The following GABBR2 variants were observed in gnomAD, a reference collection of about 807,000 sequenced individuals.
GABBR2 encodes gamma-aminobutyric acid type B receptor subunit 2.
GABBR2 carries 23 observed loss-of-function variants against 105.6 expected under a neutral mutation model. The ratio of observed to expected loss-of-function variants is 0.22; its 90% CI spans 0.16 to 0.31. The LOEUF is 0.31. Among genes scored for constraint, GABBR2 ranks in the 10% least tolerant of loss-of-function variants. GABBR2 has a pLI of 1.00. For missense variants in GABBR2, 734 were observed against 1,245.5 expected, an observed-to-expected ratio of 0.59 and a Z score of 6.18; for synonymous variants, 478 against 499.7, an observed-to-expected ratio of 0.96 and a Z score of 0.58.
intron 1 of GABBR2, among the ~76,000 whole-genome samples, chr9:98,669,385 T>C (rs911475829): frequency 2.0e-5 from 3 of 152,244 alleles, no homozygotes; most frequent in Admixed American, 2.0e-4. Context: ...GTAAGTCCTT[T>C]GGTCATTTTA....
intron 3 of GABBR2, among the ~76,000 whole-genome samples, chr9:98,521,143 C>T (rs1038416513): frequency 2.0e-5 from 3 of 152,092 alleles, no homozygotes; most frequent in East Asian, 1.9e-4. Flanking sequence ...CTGAAAGTGA[C>T]AGAAAGGACC....
At chr9:98,607,659 C>T (rs1341611531) in intron 1 of GABBR2, 1 of 738,724 alleles carries the variant, frequency 1.4e-6, no homozygotes, top group South Asian at 1.5e-5. Flanking sequence ...ATGGTGAACA[C>T]TGTGATTTTA....
chr9:98,443,684 A>G (rs921055001), intron 7 of GABBR2, among the ~76,000 whole-genome samples: 13 of 152,236 alleles, frequency 8.5e-5, no homozygotes, highest in African/African-American at 1.2e-4. Flanking sequence ...AATATATTTC[A>G]TGGACTAAGT....
chr9:98,316,557 G>A (rs1830722182), intron 13 of GABBR2, among the ~76,000 whole-genome samples: 1 of 152,174 alleles, frequency 6.6e-6, no homozygotes, highest in South Asian at 2.1e-4. Context: ...ACTACCATTT[G>A]CCAGATACTG....
At position 98,518,257 on chromosome 9, in the gene GABBR2, A is replaced by G. The variant is rs1449882451; in HGVS notation, c.631-21743T>C. Reference sequence around the variant, plus strand: ...CCATTGCCTCTGCCTAAAGTACTTCATCTAAATCGGACTTCAGCTCTGAAG... The same window carrying G: ...CCATTGCCTCTGCCTAAAGTACTTCGTCTAAATCGGACTTCAGCTCTGAAG... On this transcript the variant is annotated intron_variant, in intron 3 of 18. Transcript: ENST00000259455. Among the ~76,000 whole-genome samples, 3 of 152,148 alleles carry G rather than the reference A, an allele frequency of 2.0e-5. No homozygotes were observed. The East Asian group carries it at 5.8e-4, about 29-fold the overall frequency.
chr9:98,662,992 G>A (rs77111863), intron 1 of GABBR2, among the ~76,000 whole-genome samples: 1 of 152,258 alleles, frequency 6.6e-6, no homozygotes, highest in Non-Finnish European at 1.5e-5. Context: ...GGCTCATGAG[G>A]GAATGGAGCA....
At chr9:98,320,984 AAAAT>A (rs935158804) in intron 13 of GABBR2, among the ~76,000 whole-genome samples, 1 of 152,250 alleles carries the variant, frequency 6.6e-6, no homozygotes, top group Middle Eastern at 3.4e-3. Context: ...ATAATAATAC[AAAAT>A]AAATAAATAA....
chr9:98,549,484 G>A (rs189331479), intron 2 of GABBR2, among the ~76,000 whole-genome samples: 257 of 152,358 alleles, frequency 1.7e-3, no homozygotes, highest in African/African-American at 5.8e-3. Flanking sequence ...GGCAGGGCCT[G>A]GCACCCTCTT....
chr9:98,657,528 C>T (rs1056686471), intron 1 of GABBR2, among the ~76,000 whole-genome samples: 22 of 152,034 alleles, frequency 1.4e-4, no homozygotes, highest in African/African-American at 3.9e-4. Flanking sequence ...CCTGTTTTAG[C>T]GGAAGGGAAT....
At chr9:98,521,353 C>T (rs870082) in intron 3 of GABBR2, among the ~76,000 whole-genome samples, 4,374 of 152,230 alleles carry the variant, frequency 0.029, 116 homozygotes, top group African/African-American at 0.062. Context: ...AGACTGACCT[C>T]ACAGCCTCTG....
intron 3 of GABBR2, among the ~76,000 whole-genome samples, chr9:98,508,485 G>A (rs796813495): frequency 2.2e-4 from 33 of 152,370 alleles, no homozygotes; most frequent in African/African-American, 6.7e-4. Flanking sequence ...CCAGGGAAGC[G>A]CAAGGAGTCA....
chr9:98,500,271 C>G (rs1827372552), intron 3 of GABBR2, among the ~76,000 whole-genome samples: 1 of 152,220 alleles, frequency 6.6e-6, no homozygotes, highest in Non-Finnish European at 1.5e-5. Context: ...GCAGGGGGTG[C>G]CCCTGGGGGC....
intron 6 of GABBR2, among the ~76,000 whole-genome samples, chr9:98,464,653 C>T (rs1002407451): frequency 4.6e-5 from 7 of 151,752 alleles, no homozygotes; most frequent in Non-Finnish European, 7.4e-5. Context: ...GCCATGATGA[C>T]GATGGCAGTT....
At chr9:98,345,997 A>G (rs1183737319) in intron 13 of GABBR2, among the ~76,000 whole-genome samples, 2 of 152,210 alleles carry the variant, frequency 1.3e-5, no homozygotes, top group Non-Finnish European at 2.9e-5. Context: ...AAAATACCTT[A>G]TTGTTAAAAA....
chr9:98,527,500 G>A (rs1293388043), intron 3 of GABBR2, among the ~76,000 whole-genome samples: 1 of 152,062 alleles, frequency 6.6e-6, no homozygotes, highest in Non-Finnish European at 1.5e-5. Context: ...GAAATAATAG[G>A]AGTTCAATGT....
intron 17 of GABBR2, among the ~76,000 whole-genome samples, chr9:98,294,534 A>C (rs1381625846): frequency 1.3e-5 from 2 of 150,848 alleles, no homozygotes; most frequent in African/African-American, 4.9e-5. Flanking sequence ...TCGTGCCACC[A>C]GTGGCATTAT....
rs563350619 is a variant in GABBR2, at chr9:98,330,385, A to G, written c.1894-19180T>C. ...GCAAATGTAATGACATATTTCATACATGGAGGAGAGCAGGGACAAAAAAAT... is the reference window on the plus strand; with the variant it reads ...GCAAATGTAATGACATATTTCATACGTGGAGGAGAGCAGGGACAAAAAAAT... On this transcript the variant is annotated intron_variant, in intron 13 of 18. Transcript: ENST00000259455. Among the ~76,000 whole-genome samples the G allele has an allele frequency of 3.9e-5, 6 of 152,374 alleles. No homozygotes were observed. The East Asian group carries it at 1.2e-3, about 29-fold the overall frequency.
Position 98,432,963 on chromosome 9 carries a change from G to C in GABBR2, c.1236+21018C>G, listed in dbSNP as rs201283553. Among the ~76,000 whole-genome samples the C allele has an allele frequency of 6.6e-5, 10 of 152,310 alleles. No individual in the cohort carries two copies. In the East Asian group the frequency reaches 1.9e-3, roughly 29 times the overall value. On this transcript the variant is annotated intron_variant, in intron 7 of 18. Coordinates refer to ENST00000259455, the MANE Select transcript of GABBR2 (RefSeq NM_005458.8). ...GTCTGCTCCAAATCCCATCACTTTG[G>C]GGGTGTGTGGGAGAAATGGGACGTG...
At chr9:98,646,484 G>A (rs80184134) in intron 1 of GABBR2, among the ~76,000 whole-genome samples, 5,550 of 152,174 alleles carry the variant, frequency 0.036, 126 homozygotes, top group African/African-American at 0.064. Flanking sequence ...TTCCCTTTGC[G>A]GATTCTGCTT....
Sources: gnomAD v4.1 joint callset for allele counts (sites outside exome capture counted in the v4.1 genomes callset) on GRCh38, gnomAD v4.1.1 for gene constraint, MANE v1.5 for transcripts, NCBI Gene and HGNC (gene_info 2026-07-23, HGNC 2026-07-21) for gene names.